The following FAM228B variants were observed in gnomAD, a reference collection of about 807,000 sequenced individuals.
FAM228B encodes family with sequence similarity 228 member B.
Under a neutral mutation model 42.6 loss-of-function variants are expected in FAM228B, and 38 were observed. That is an observed-to-expected ratio of 0.89 (90% CI 0.69 to 1.17). FAM228B has a LOEUF of 1.17. Ranked by LOEUF, FAM228B falls within the 50% of genes most tolerant of loss-of-function variation. FAM228B has a pLI of 0.00. For missense variants in FAM228B, 344 were observed against 367.3 expected (o/e 0.94, Z 0.52); for synonymous variants, 109 against 122.3 (o/e 0.89, Z 0.72).
intron 3 of FAM228B, chr2:24,096,066 A>T (rs2150993969): frequency 6.6e-6 from 1 of 152,374 alleles, no homozygotes; most frequent in East Asian, 1.9e-4. Context: ...AAACTGAAAA[A>T]CAGAAAGGAA....
intron 2 of FAM228B, among the ~76,000 whole-genome samples, chr2:24,092,924 GCACACACACACA>G (rs3030954): frequency 9.1e-4 from 122 of 133,516 alleles, no homozygotes; most frequent in African/African-American, 3.0e-3. Flanking sequence ...ATGATTTTAT[GCACACACACACA>G]CACACACACA....
chr2:24,110,085 T>C (rs1386051660), intron 3 of FAM228B, among the ~76,000 whole-genome samples: 1 of 152,170 alleles, frequency 6.6e-6, no homozygotes, highest in Non-Finnish European at 1.5e-5. Flanking sequence ...ATATACATCA[T>C]GGAATATTAT....
chr2:24,141,850 T>C (rs990202466), intron 5 of FAM228B, among the ~76,000 whole-genome samples: 1 of 152,090 alleles, frequency 6.6e-6, no homozygotes, highest in African/African-American at 2.4e-5. Context: ...GCTTGTGTCA[T>C]CCTACAAAGT....
At chr2:24,159,307 T>C (rs531567770) in intron 7 of FAM228B, among the ~76,000 whole-genome samples, 57 of 152,296 alleles carry the variant, frequency 3.7e-4, no homozygotes, top group Non-Finnish European at 7.1e-4. Context: ...ATGTATTGAG[T>C]TGTAATTGCC....
upstream of FAM228B, chr2:24,122,309 A>T: frequency 1.3e-6 from 1 of 795,766 alleles, no homozygotes; most frequent in East Asian, 2.5e-5. Context: ...CTAAGCAACA[A>T]GAGTGAAATT....
At chr2:24,138,775 C>T (rs1388078821) in intron 4 of FAM228B, among the ~76,000 whole-genome samples, 1 of 151,408 alleles carries the variant, frequency 6.6e-6, no homozygotes, top group African/African-American at 2.4e-5. Context: ...GGTGATACCC[C>T]GTCTCTCCTA....
Position 24,084,400 on chromosome 2 carries a change from GCAGGA to G in FAM228B, c.-210+3455_-210+3459del. ...GCAGGGCAGGACAGGACAGGGCAGG[GCAGGA>G]CAGGACAGGGCAGGGGCCGCTGTAT... is the stretch of plus-strand genomic sequence containing the variant. On this transcript the variant is annotated intron_variant, in intron 2 of 10. Transcript: ENST00000613899. The surrounding 1 kb of genome is among the most constrained non-coding windows in gnomAD (Gnocchi z 8.4). 1 of 1,478,776 alleles carries G rather than the reference GCAGGA, an allele frequency of 6.8e-7. No individual in the cohort carries two copies. Among genetic ancestry groups the G allele is most frequent in the Admixed American group, 1.9e-5 (1 of 52,296 alleles). The allele number at this position is 1,478,776 out of a possible 1,614,324, so 91.6% of individuals were successfully genotyped here.
intron 2 of FAM228B, among the ~76,000 whole-genome samples, chr2:24,130,738 T>C (rs1297184975): frequency 6.6e-6 from 1 of 152,192 alleles, no homozygotes; most frequent in Non-Finnish European, 1.5e-5. Flanking sequence ...TTTTCTCCCA[T>C]TCTGTAGGTT....
rs531267826 is a variant in FAM228B at position 24,132,779 on chromosome 2, T to C, written c.100-2340T>C. Reference sequence around the variant, plus strand: ...GGGTCTGGATTCTGTTATATTCCTCTGAAGAATATTGAGCTTTTGTTTTAG... The same window carrying C: ...GGGTCTGGATTCTGTTATATTCCTCCGAAGAATATTGAGCTTTTGTTTTAG... On this transcript the variant is annotated intron_variant, in intron 2 of 10. Transcript: ENST00000615575. Among the ~76,000 whole-genome samples the C allele has an allele frequency of 3.3e-5, 5 of 152,312 alleles. No homozygotes were observed. In the South Asian group the frequency reaches 8.3e-4, roughly 25 times the overall value.
intron 3 of FAM228B, chr2:24,097,023 C>T (rs947607320): frequency 6.6e-6 from 1 of 152,108 alleles, no homozygotes; most frequent in Non-Finnish European, 1.5e-5. Context: ...TCTAGCCAAA[C>T]TAAGCTTCAT....
chr2:24,125,611 A>G (rs1037200890), intron 2 of FAM228B, among the ~76,000 whole-genome samples: 18 of 151,926 alleles, frequency 1.2e-4, no homozygotes, highest in African/African-American at 3.4e-4. Context: ...CTCAGCCAGG[A>G]AAACACTGGC....
chr2:24,126,434 A>G (rs1483167377), intron 2 of FAM228B, among the ~76,000 whole-genome samples: 2 of 152,170 alleles, frequency 1.3e-5, no homozygotes, highest in Admixed American at 6.5e-5. Context: ...CATTTCCTTA[A>G]TGACTGATTA....
chr2:24,161,027 T>G (rs531498678), intron 7 of FAM228B, among the ~76,000 whole-genome samples: 1 of 152,362 alleles, frequency 6.6e-6, no homozygotes, highest in Non-Finnish European at 1.5e-5. Context: ...TTTCAGAAAC[T>G]CTAAAACAAC....
intron 3 of FAM228B, among the ~76,000 whole-genome samples, chr2:24,102,314 A>G (rs1665624033): frequency 2.0e-5 from 3 of 152,182 alleles, no homozygotes; most frequent in Admixed American, 2.0e-4. Flanking sequence ...TATATCTGCT[A>G]TTTTTTCACT....
At position 24,164,259 on chromosome 2, in the gene FAM228B, A is replaced by G. The variant is rs199663745; in HGVS notation, c.856A>G (p.Ser286Gly). Residue 286 changes from serine to glycine, a missense_variant, in exon 9 of 11, where the codon AGT becomes GGT. Coordinates refer to ENST00000615575, the MANE Select transcript of FAM228B (RefSeq NM_001145710.2). ...GTGCTATCAGGAGGGAAATAATCCA[A>G]GTGCCAAAGAGGCCATCTCTGAAGG... ...PLCYQEGNNPSAKEAISEGYF... is the reference protein window; with the variant it reads ...PLCYQEGNNPGAKEAISEGYF... The G allele has an allele frequency of 2.4e-4, 373 of 1,551,472 alleles. 2 individuals are homozygous for G. The South Asian group carries it at 4.2e-3, about 18-fold the overall frequency.
upstream of FAM228B, chr2:24,076,871 T>TA (rs1664773536): frequency 4.8e-5 from 1 of 20,748 alleles, no homozygotes; most frequent in African/African-American, 2.0e-4. Flanking sequence ...TAGCGGGAGG[T>TA]GGTGGGGCCT....
At position 24,080,647 on chromosome 2, in the gene FAM228B, T is replaced by C. The variant is rs1182689467; in HGVS notation, c.-289-229T>C. 2 of 715,532 alleles carry C rather than the reference T, an allele frequency of 2.8e-6. No homozygotes were observed. The highest frequency in any genetic ancestry group is 4.9e-5 in the East Asian group (2 of 40,438). 44.3% of individuals were successfully genotyped at this position (715,532 alleles called of 1,614,324 possible). A position where few individuals can be genotyped will look rare whatever the true frequency, so the allele number is the denominator to read the frequency against. ...ATGGAAACCATCTTAGATTTAAATA[T>C]GACTGCCTGTCTCCAGTGGTCAAAT... On this transcript the variant is annotated intron_variant, in intron 1 of 10. Coordinates refer to the FAM228B transcript ENST00000613899. The surrounding 1 kb of genome is among the most constrained non-coding windows in gnomAD (Gnocchi z 4.7).
chr2:24,125,855 G>A (rs772558417), intron 2 of FAM228B, among the ~76,000 whole-genome samples: 5 of 152,128 alleles, frequency 3.3e-5, no homozygotes, highest in Admixed American at 6.6e-5. Context: ...GAGCCACTGC[G>A]CCCAGCCTGC....
At chr2:24,099,049 A>T (rs1305310856) in intron 3 of FAM228B, among the ~76,000 whole-genome samples, 1 of 152,230 alleles carries the variant, frequency 6.6e-6, no homozygotes, top group East Asian at 1.9e-4. Flanking sequence ...TTATCTCAAT[A>T]GATGCAGGAA....
Sources: allele counts gnomAD v4.1 joint callset (sites outside exome capture counted in the v4.1 genomes callset), GRCh38; gene constraint gnomAD v4.1.1; non-coding constraint Gnocchi (gnomAD v3.1); transcripts MANE v1.5; gene names NCBI Gene and HGNC (gene_info 2026-07-23, HGNC 2026-07-21).